Variants in ITM2B observed in about 807,000 individuals in gnomAD.
The protein encoded by ITM2B is integral membrane protein 2B.
A neutral mutation model predicts 27.8 loss-of-function variants in ITM2B; 11 were observed. The observed-to-expected ratio is 0.40, with a 90% CI of 0.25 to 0.66. ITM2B has a LOEUF of 0.66. ITM2B is among the 30% of genes least tolerant of loss of function. ITM2B has a pLI of 0.43. For missense variants in ITM2B, 296 were observed against 328.9 expected (o/e 0.90, Z 0.77); for synonymous variants, 114 against 114.3 (o/e 1.00, Z 0.02).
intron 3 of ITM2B, 95 bp from the exon 4 acceptor site, chr13:48,258,031 A>G: frequency 2.7e-6 from 2 of 731,070 alleles, no homozygotes; most frequent in Admixed American, 1.9e-5. Context: ...TTCTAAAGCC[A>G]ATTCATTTTA....
At chr13:48,248,361 C>A (rs1232363292) in intron 1 of ITM2B, among the ~76,000 whole-genome samples, 1 of 151,754 alleles carries the variant, frequency 6.6e-6, no homozygotes, top group African/African-American at 2.4e-5. Context: ...GTCTGGAACT[C>A]CTGGGCTTGA....
chr13:48,253,971 T>G (rs1951770863), intron 2 of ITM2B, 35 bp downstream of exon 2: 1 of 1,606,508 alleles, frequency 6.2e-7, no homozygotes, highest in Non-Finnish European at 8.5e-7. Context: ...CTCTGATTTT[T>G]TTTTTTTTTT....
chr13:48,256,707 C>CA (rs1410540289), intron 3 of ITM2B, among the ~76,000 whole-genome samples: 1 of 152,142 alleles, frequency 6.6e-6, no homozygotes, highest in African/African-American at 2.4e-5. Context: ...GTAGCATTTT[C>CA]AAAATCAATA....
chr13:48,260,440 T>A (rs1053268696), intron 5 of ITM2B, among the ~76,000 whole-genome samples: 4 of 152,178 alleles, frequency 2.6e-5, no homozygotes, highest in Admixed American at 2.0e-4. Context: ...CCACAATGGT[T>A]GAACTAATTT....
intron 1 of ITM2B, among the ~76,000 whole-genome samples, chr13:48,246,809 A>G (rs1431670957): frequency 1.3e-5 from 2 of 152,076 alleles, no homozygotes; most frequent in Admixed American, 6.5e-5. Flanking sequence ...AAATACTAGA[A>G]CATTGATGGG....
chr13:48,248,223 C>T (rs377664301), intron 1 of ITM2B, among the ~76,000 whole-genome samples: 15 of 151,758 alleles, frequency 9.9e-5, no homozygotes, highest in African/African-American at 3.4e-4. Context: ...TGTTGTGCAA[C>T]GTGCCTTTTT....
Position 48,269,117 on chromosome 13 carries a change from C to T in ITM2B, c.*7893C>T, listed in dbSNP as rs1454646522. On this transcript the variant is annotated 3_prime_UTR_variant, in exon 6 of 6. Coordinates refer to ENST00000647800, the MANE Select transcript of ITM2B (RefSeq NM_021999.5). ...AAACTTGATTTTCCTCCCATGGTTT[C>T]CTCATCTCAGCTCCTTTTTTTTTCC... 6.6e-6 allele frequency: 1 copy of T among 152,166 alleles called. No homozygotes were observed. The highest frequency in any genetic ancestry group is 2.4e-5 in the African/African-American group (1 of 41,442). The allele number at this position is 152,166 out of a possible 1,614,324, so 9.4% of individuals were successfully genotyped here. A position where few individuals can be genotyped will look rare whatever the true frequency, so the allele number is the denominator to read the frequency against.
At chr13:48,247,594 A>G (rs924525006) in intron 1 of ITM2B, among the ~76,000 whole-genome samples, 2 of 152,212 alleles carry the variant, frequency 1.3e-5, no homozygotes, top group Admixed American at 6.5e-5. Flanking sequence ...AAAAATATAC[A>G]TTTTATTTAA....
rs1461585543 is a variant in ITM2B, at chr13:48,233,251, G to GCCCGGAGCCGCT, written c.-100_-89dup. ...CGGAGCTTCCCGAACCTCTTCAGCC[G>GCCCGGAGCCGCT]CCCGGAGCCGCTCCCGGAGCCCGGC... On this transcript the variant is annotated 5_prime_UTR_variant, in exon 1 of 6. Transcript: ENST00000647800. 2.4e-5 allele frequency: 15 copies of GCCCGGAGCCGCT among 625,880 alleles called. No homozygotes were observed. Among genetic ancestry groups the GCCCGGAGCCGCT allele is most frequent in the Admixed American group, 3.8e-5 (1 of 26,070 alleles). 38.8% of individuals were successfully genotyped at this position (625,880 alleles called of 1,614,324 possible).
Position 48,253,955 on chromosome 13 carries a change from TTG to T in ITM2B, c.246+23_246+24del. ...ACTTCAAGTAAGTGGAAAAATTATT[TTG>T]TGTCTCTGATTTTTTTTTTTTTTTG... is the stretch of plus-strand genomic sequence containing the variant. On this transcript the variant is annotated intron_variant, in intron 2 of 5. Coordinates refer to ENST00000647800, the MANE Select transcript of ITM2B (RefSeq NM_021999.5). The T allele has an allele frequency of 1.2e-6, 2 of 1,612,000 alleles. No individual in the cohort carries two copies. The highest frequency in any genetic ancestry group is 1.7e-6 in the Non-Finnish European group (2 of 1,179,300).
chr13:48,237,062 C>T (rs1951672637), intron 1 of ITM2B, among the ~76,000 whole-genome samples: 2 of 152,202 alleles, frequency 1.3e-5, no homozygotes, highest in Admixed American at 6.5e-5. Flanking sequence ...TCCCTATTCA[C>T]ACAATCAAGA....
At position 48,269,350 on chromosome 13, in the gene ITM2B, A is replaced by C. The variant is rs118041054; in HGVS notation, c.*8126A>C. On this transcript the variant is annotated 3_prime_UTR_variant, in exon 6 of 6. Coordinates refer to ENST00000647800, the MANE Select transcript of ITM2B (RefSeq NM_021999.5). Reference sequence around the variant, plus strand: ...GATTGGTGCAATGGCCTCACAACTGATCTTCCTGCTTCCATACTTGACCCC... The same window carrying C: ...GATTGGTGCAATGGCCTCACAACTGCTCTTCCTGCTTCCATACTTGACCCC... 0.029 allele frequency: 4,427 copies of C among 152,282 alleles called. 105 individuals are homozygous for C. The highest frequency in any genetic ancestry group is 0.054 in the Middle Eastern group (16 of 294). 9.4% of individuals were successfully genotyped at this position (152,282 alleles called of 1,614,324 possible).
intron 1 of ITM2B, among the ~76,000 whole-genome samples, chr13:48,234,300 T>C (rs1951654256): frequency 6.6e-6 from 1 of 152,194 alleles, no homozygotes; most frequent in South Asian, 2.1e-4. Context: ...GGGCTGTTAC[T>C]GTGTTGACTT....
Position 48,256,250 on chromosome 13 carries a change from C to T in ITM2B, c.320C>T (p.Ala107Val), listed in dbSNP as rs1348993810. 6.2e-7 allele frequency: 1 copy of T among 1,612,254 alleles called. No homozygotes were observed. Among genetic ancestry groups the T allele is most frequent in the Non-Finnish European group, 8.5e-7 (1 of 1,178,498 alleles). ...ATCTTAAATGAGCCCTCTGCAGATG[C>T]CCCAGCTGCTCTCTACCAGACAATT... is the stretch of plus-strand genomic sequence containing the variant. ...DVILNEPSAD[A>V]PAALYQTIEE... is the part of the protein sequence containing the mutation. Residue 107 changes from alanine (A) to valine (V), a missense_variant, in exon 3 of 6, where the codon GCC becomes GTC. By Grantham distance (64) the Ala-to-Val change is moderately conservative (BLOSUM62 0). Transcript: ENST00000647800.
rs9332250 is a variant in ITM2B, at chr13:48,236,503, A to G, written c.117+3026A>G. On this transcript the variant is annotated intron_variant, in intron 1 of 5. Transcript: ENST00000647800. The stretch of plus-strand genomic sequence containing the variant: ...AGGATTCTTCCAGTTTCAAAAATCT[A>G]TGAAGATGCTAGGATTACATAATTA... 7.2e-5 allele frequency among the ~76,000 whole-genome samples: 11 copies of G among 152,340 alleles called. No homozygotes were observed. The South Asian group carries it at 2.1e-3, about 29-fold the overall frequency.
chr13:48,239,119 C>T (rs1951685271), intron 1 of ITM2B, among the ~76,000 whole-genome samples: 1 of 152,262 alleles, frequency 6.6e-6, no homozygotes, highest in South Asian at 2.1e-4. Flanking sequence ...GAGAGCTAGT[C>T]TATTTAGCTT....
intron 1 of ITM2B, among the ~76,000 whole-genome samples, chr13:48,237,231 A>T (rs767144071): frequency 6.6e-6 from 1 of 152,244 alleles, no homozygotes; most frequent in African/African-American, 2.4e-5. Flanking sequence ...CTCTTTAACC[A>T]AAGTGCATCT....
At chr13:48,241,168 A>G (rs1951697811) in intron 1 of ITM2B, among the ~76,000 whole-genome samples, 1 of 152,188 alleles carries the variant, frequency 6.6e-6, no homozygotes, top group African/African-American at 2.4e-5. Flanking sequence ...CTGCCCAACC[A>G]TACATGGCGA....
At chr13:48,238,096 A>G (rs1477367766) in intron 1 of ITM2B, among the ~76,000 whole-genome samples, 1 of 152,240 alleles carries the variant, frequency 6.6e-6, no homozygotes, top group East Asian at 1.9e-4. Context: ...CAAAATATTA[A>G]CACTGGAGCT....
Sources: allele counts gnomAD v4.1 joint callset (sites outside exome capture counted in the v4.1 genomes callset), GRCh38; gene constraint gnomAD v4.1.1; transcripts MANE v1.5; gene names NCBI Gene and HGNC (gene_info 2026-07-23, HGNC 2026-07-21).